Variants in SLC7A5 observed in about 807,000 individuals in gnomAD.
SLC7A5 encodes the protein large neutral amino acids transporter small subunit 1.
SLC7A5 carries 23 observed loss-of-function variants against 50.2 expected under a neutral mutation model. The observed-to-expected ratio is 0.46, with a 90% CI of 0.33 to 0.65. The LOEUF (loss-of-function observed/expected upper bound fraction) is 0.65, where lower values mean the gene tolerates loss of function less well. Among genes scored for constraint, SLC7A5 ranks in the 30% least tolerant of loss-of-function variants. The pLI, the probability that SLC7A5 is intolerant of heterozygous loss-of-function variation, is 0.02. For synonymous variants in SLC7A5, 393 were observed against 330.6 expected (o/e 1.19, Z -2.05); for missense variants, 578 against 684.4 (o/e 0.84, Z 1.73).
At chr16:87,857,573 G>T (rs186589536) in intron 1 of SLC7A5, among the ~76,000 whole-genome samples, 1 of 152,204 alleles carries the variant, frequency 6.6e-6, no homozygotes, top group Non-Finnish European at 1.5e-5. Context: ...GTGAGCCACC[G>T]CGCCTGGCCG....
Position 87,869,210 on chromosome 16 carries a change from C to A in SLC7A5, c.213G>T (p.Thr71=), listed in dbSNP as rs2055501048. 5 of 1,612,360 alleles carry A rather than the reference C, an allele frequency of 3.1e-6. No homozygotes were observed. The highest frequency in any genetic ancestry group is 4.2e-6 in the Non-Finnish European group (5 of 1,179,834). The change falls in exon 1 of 10, where the codon ACG becomes ACT. Residue 71 remains threonine (T), a synonymous_variant. Coordinates refer to ENST00000261622, the MANE Select transcript of SLC7A5 (RefSeq NM_003486.7). ...CTGCCTCCTTGAGCACGCCCGTGGG[C>A]GTCACGAAGATGCCCGAGCCGATAA... The part of the protein sequence containing the change: ...GTIIGSGIFV[T]PTGVLKEAGS...
intron 2 of SLC7A5, among the ~76,000 whole-genome samples, chr16:87,846,872 G>A (rs964021862): frequency 2.6e-5 from 4 of 152,328 alleles, no homozygotes; most frequent in East Asian, 1.9e-4. Flanking sequence ...CTCCCGTGCC[G>A]GGGACGCGGT....
intron 1 of SLC7A5, among the ~76,000 whole-genome samples, chr16:87,868,133 AG>A (rs1555517096): frequency 1.1e-3 from 124 of 108,478 alleles, no homozygotes; most frequent in African/African-American, 4.6e-3. Flanking sequence ...AAAAAAAAAA[AG>A]AAAGAAAAAG....
At chr16:87,868,662 T>G (rs2055493814) in intron 1 of SLC7A5, among the ~76,000 whole-genome samples, 1 of 152,356 alleles carries the variant, frequency 6.6e-6, no homozygotes, top group East Asian at 1.9e-4. Flanking sequence ...GGGACCCTGC[T>G]GTCCCGTCAC....
At chr16:87,857,186 G>C (rs908241070) in intron 1 of SLC7A5, among the ~76,000 whole-genome samples, 2 of 152,132 alleles carry the variant, frequency 1.3e-5, no homozygotes, top group African/African-American at 4.8e-5. Flanking sequence ...CAAGGAAAAT[G>C]AAGCAGTTCC....
At position 87,855,230 on chromosome 16, in the gene SLC7A5, G is replaced by A. The variant is rs575074997; in HGVS notation, c.539-3381C>T. Among the ~76,000 whole-genome samples, 295 of 152,248 alleles carry A rather than the reference G, an allele frequency of 1.9e-3. 1 individual carries two copies. Among genetic ancestry groups the A allele is most frequent in the Middle Eastern group, 3.4e-3 (1 of 294 alleles). ...CTGCTGCTCAGAGCTGGGGCGTCCC[G>A]GGGAGGTTGCCACCACCCAGCATGA... On this transcript the variant is annotated intron_variant, in intron 1 of 9. Coordinates refer to ENST00000261622, the MANE Select transcript of SLC7A5 (RefSeq NM_003486.7).
In SLC7A5 at chr16:87,861,003, G is replaced by A. The variant is rs1350782276; in HGVS notation, c.538+7882C>T. ...TCAGGATTCGGCCAGTATCAGGGAAGGAGACGCTGTGGGGGGCCCTCCTGT... is the reference window on the plus strand; with the variant it reads ...TCAGGATTCGGCCAGTATCAGGGAAAGAGACGCTGTGGGGGGCCCTCCTGT... On this transcript the variant is annotated intron_variant, in intron 1 of 9. Coordinates refer to ENST00000261622, the MANE Select transcript of SLC7A5 (RefSeq NM_003486.7). This position sits in a 1 kb window ranked among gnomAD's most constrained non-coding sequence, Gnocchi z 4.2. Among the ~76,000 whole-genome samples the A allele has an allele frequency of 6.6e-6, 1 of 152,254 alleles. No homozygotes were observed. The highest frequency in any genetic ancestry group is 1.5e-5 in the Non-Finnish European group (1 of 68,040).
At chr16:87,836,266 C>T (rs1486236049) in intron 8 of SLC7A5, among the ~76,000 whole-genome samples, 1 of 152,270 alleles carries the variant, frequency 6.6e-6, no homozygotes, top group Non-Finnish European at 1.5e-5. Context: ...CAACGGAGCA[C>T]AAGCTCTGTG....
intron 1 of SLC7A5, among the ~76,000 whole-genome samples, chr16:87,868,365 AC>A (rs1027385710): frequency 4.0e-5 from 6 of 151,864 alleles, no homozygotes; most frequent in African/African-American, 1.5e-4. Flanking sequence ...ACCAGTCACT[AC>A]CCGCACACGA....
At chr16:87,856,432 C>A (rs765908011) in intron 1 of SLC7A5, among the ~76,000 whole-genome samples, 1 of 152,230 alleles carries the variant, frequency 6.6e-6, no homozygotes, top group Non-Finnish European at 1.5e-5. Context: ...CAGGGTGCAC[C>A]GGGCACAGCA....
rs1038632866 is a variant in SLC7A5 at position 87,860,432 on chromosome 16, C to T, written c.538+8453G>A. Reference sequence around the variant, plus strand: ...TATAAAGAAAAAGGAAATCTTCGAACCCACCTGTGACCAGGAAGCCCATCC... The same window carrying T: ...TATAAAGAAAAAGGAAATCTTCGAATCCACCTGTGACCAGGAAGCCCATCC... On this transcript the variant is annotated intron_variant, in intron 1 of 9. Coordinates refer to ENST00000261622, the MANE Select transcript of SLC7A5 (RefSeq NM_003486.7). This position sits in a 1 kb window ranked among gnomAD's most constrained non-coding sequence, Gnocchi z 4.8. Among the ~76,000 whole-genome samples the T allele has an allele frequency of 4.7e-5, 7 of 150,022 alleles. No individual in the cohort carries two copies. Among genetic ancestry groups the T allele is most frequent in the African/African-American group, 1.7e-4 (7 of 40,626 alleles).
chr16:87,855,061 C>A (rs993460010), intron 1 of SLC7A5, among the ~76,000 whole-genome samples: 3 of 152,232 alleles, frequency 2.0e-5, no homozygotes, highest in African/African-American at 7.2e-5. Context: ...ACAGTGAGGC[C>A]CAAGCTGTGG....
In SLC7A5 at chr16:87,861,621, G is replaced by T. The variant is rs564292135; in HGVS notation, c.538+7264C>A. 6.6e-6 allele frequency among the ~76,000 whole-genome samples: 1 copy of T among 152,240 alleles called. No individual in the cohort carries two copies. Among genetic ancestry groups the T allele is most frequent in the Non-Finnish European group, 1.5e-5 (1 of 68,008 alleles). ...TGGTCCAAGAGTGTGCCCTACCTTG[G>T]ACACCCCTCTCCTGGGGGTGGCTCT... On this transcript the variant is annotated intron_variant, in intron 1 of 9. Transcript: ENST00000261622. This position sits in a 1 kb window ranked among gnomAD's most constrained non-coding sequence, Gnocchi z 4.2.
Position 87,833,045 on chromosome 16 carries a change from C to A in SLC7A5, c.1469-20G>T. 1.2e-6 allele frequency: 2 copies of A among 1,612,244 alleles called. No homozygotes were observed. The highest frequency in any genetic ancestry group is 8.5e-7 in the Non-Finnish European group (1 of 1,178,512). ...TGGAGACTGTCAGGAGAGAAGACAG[C>A]TGTGTTAGCCTGGGGGCTGGGTAGG... On this transcript the variant is annotated intron_variant, in intron 9 of 9. Coordinates refer to ENST00000261622, the MANE Select transcript of SLC7A5 (RefSeq NM_003486.7). This position sits in a 1 kb window ranked among gnomAD's most constrained non-coding sequence, Gnocchi z 6.0.
rs1205817383 is a variant in SLC7A5 at position 87,869,318 on chromosome 16, C to G, written c.105G>C (p.Ser35=). 6.2e-6 allele frequency: 10 copies of G among 1,610,666 alleles called. No homozygotes were observed. Among genetic ancestry groups the G allele is most frequent in the Admixed American group, 1.7e-5 (1 of 59,944 alleles). ...CGCCCTCGCCCTCGCCTGCCGGCGC[C>G]GAGCCGTCCGCGCTCTTGGCGGCCA... ...KMLAAKSADG[S]APAGEGEGVT... The change falls in exon 1 of 10, where the codon TCG becomes TCC. Residue 35 remains serine (S), a synonymous_variant. Coordinates refer to ENST00000261622, the MANE Select transcript of SLC7A5 (RefSeq NM_003486.7).
At position 87,840,429 on chromosome 16, in the gene SLC7A5, C is replaced by G; in HGVS notation, c.815G>C (p.Arg272Thr). 1 of 1,611,574 alleles carries G rather than the reference C, an allele frequency of 6.2e-7. No individual in the cohort carries two copies. The highest frequency in any genetic ancestry group is 1.1e-5 in the South Asian group (1 of 91,030). ...FVTEEMINPY[R>T]NLPLAIIISL... ...CGGCTCCATCCATTCTTGCACGTAC[C>G]TGTAGGGGTTGATCATTTCCTCTGT... The change falls in exon 4 of 10, where the codon AGA becomes ACA. Residue 272 changes from arginine (R) to threonine (T), a missense_variant and splice_region_variant. Arg to Thr is a moderately conservative substitution (Grantham distance 71). Coordinates refer to ENST00000261622, the MANE Select transcript of SLC7A5 (RefSeq NM_003486.7).
At chr16:87,847,329 G>T (rs1182093230) in intron 2 of SLC7A5, among the ~76,000 whole-genome samples, 1 of 152,206 alleles carries the variant, frequency 6.6e-6, no homozygotes, top group African/African-American at 2.4e-5. Flanking sequence ...AACATCGTCT[G>T]GGGGCTGGAC....
chr16:87,863,982 T>TAAAAAA (rs200874231), intron 1 of SLC7A5, among the ~76,000 whole-genome samples: 5,402 of 107,776 alleles, frequency 0.05, 189 homozygotes, highest in African/African-American at 0.073. Context: ...TGTGATCATT[T>TAAAAAA]AAAAATATAT....
chr16:87,864,930 T>G (rs1365289686), intron 1 of SLC7A5, among the ~76,000 whole-genome samples: 5 of 152,196 alleles, frequency 3.3e-5, no homozygotes, highest in African/African-American at 4.8e-5. Flanking sequence ...TTTGTTTAAT[T>G]AAAGGTAAAG....
Sources: allele counts gnomAD v4.1 joint callset (sites outside exome capture counted in the v4.1 genomes callset), GRCh38; gene constraint gnomAD v4.1.1; non-coding constraint Gnocchi (gnomAD v3.1); transcripts MANE v1.5; gene names NCBI Gene and HGNC (gene_info 2026-07-23, HGNC 2026-07-21).